Variants in METTL15 observed in about 807,000 individuals in gnomAD.
The protein encoded by METTL15 is methyltransferase 15, mitochondrial 12S rRNA N4-cytidine, also known as 12S rRNA N(4)-cytidine methyltransferase METTL15.
METTL15 carries 34 observed loss-of-function variants against 38.3 expected under a neutral mutation model. The observed-to-expected ratio is 0.89, with a 90% CI of 0.68 to 1.18. The LOEUF (loss-of-function observed/expected upper bound fraction) is 1.18, where lower values mean the gene tolerates loss of function less well. METTL15 is among the 50% of genes most tolerant of loss of function. The pLI is 0.00. For missense variants in METTL15, 438 were observed against 498.4 expected, an observed-to-expected ratio of 0.88 and a Z score of 1.15; for synonymous variants, 162 against 170.9, an observed-to-expected ratio of 0.95 and a Z score of 0.41.
downstream of METTL15, among the ~76,000 whole-genome samples, chr11:28,336,151 C>G (rs926907619): frequency 7.2e-5 from 11 of 152,054 alleles, no homozygotes; most frequent in Non-Finnish European, 1.2e-4. Flanking sequence ...GAACTTCACT[C>G]CCATGTATTA....
chr11:28,409,381 C>A (rs1268960592), intron 5 of METTL15, among the ~76,000 whole-genome samples: 74 of 81,342 alleles, frequency 9.1e-4, no homozygotes, highest in African/African-American at 1.2e-3. Flanking sequence ...GACTCCGTCT[C>A]AAAAAAAAAA....
chr11:28,475,057 G>C (rs1308703382), intron 6 of METTL15, among the ~76,000 whole-genome samples: 1 of 152,116 alleles, frequency 6.6e-6, no homozygotes, highest in Non-Finnish European at 1.5e-5. Context: ...ACTGGATCTG[G>C]ATAAGCAAGA....
chr11:28,267,182 AAG>A (rs1855458571), intron 4 of METTL15, among the ~76,000 whole-genome samples: 1 of 150,860 alleles, frequency 6.6e-6, no homozygotes, highest in African/African-American at 2.4e-5. Flanking sequence ...AAAAAAAAAA[AAG>A]AGTGAAGAAT....
At chr11:28,126,147 T>C (rs760194094) in intron 3 of METTL15, among the ~76,000 whole-genome samples, 6 of 152,118 alleles carry the variant, frequency 3.9e-5, no homozygotes, top group African/African-American at 7.2e-5. Context: ...CCCACAGATA[T>C]ACACATGGCT....
chr11:28,281,218 C>T (rs1856041640), intron 4 of METTL15, among the ~76,000 whole-genome samples: 1 of 152,106 alleles, frequency 6.6e-6, no homozygotes, highest in Non-Finnish European at 1.5e-5. Context: ...AATTTCAGTA[C>T]TTGTGTAATA....
intron 5 of METTL15, among the ~76,000 whole-genome samples, chr11:28,392,297 AG>A (rs1363424369): frequency 6.6e-6 from 1 of 152,140 alleles, no homozygotes; most frequent in Admixed American, 6.6e-5. Flanking sequence ...ATTATGAGAA[AG>A]AAAAAGCTGG....
chr11:28,291,230 A>G (rs374409526), intron 5 of METTL15, among the ~76,000 whole-genome samples: 1 of 151,956 alleles, frequency 6.6e-6, no homozygotes, highest in African/African-American at 2.4e-5. Flanking sequence ...TTGTATTAGT[A>G]GAGACGGAGT....
chr11:28,294,470 C>T (rs1197151186), intron 5 of METTL15, among the ~76,000 whole-genome samples: 2 of 152,154 alleles, frequency 1.3e-5, no homozygotes, highest in African/African-American at 4.8e-5. Flanking sequence ...TTATTCTCTG[C>T]TGATTCCAAT....
At position 28,227,838 on chromosome 11, in the gene METTL15, T is replaced by C. The variant is rs1402236604; in HGVS notation, c.407+16640T>C. 2.6e-5 allele frequency among the ~76,000 whole-genome samples: 4 copies of C among 152,086 alleles called. No homozygotes were observed. The East Asian group carries it at 7.7e-4, about 29-fold the overall frequency. On this transcript the variant is annotated intron_variant, in intron 4 of 6. Coordinates refer to ENST00000407364, the MANE Select transcript of METTL15 (RefSeq NM_001113528.2). ...TAGAAGGCTAGGAATTGCTGCTGTA[T>C]CTGAAAGCTGAGGATAGTTGGGCCT... is the stretch of plus-strand genomic sequence containing the variant.
downstream of METTL15, among the ~76,000 whole-genome samples, chr11:28,336,926 A>T (rs1849905974): frequency 6.6e-6 from 1 of 152,166 alleles, no homozygotes; most frequent in Non-Finnish European, 1.5e-5. Flanking sequence ...TTACCATAGG[A>T]GATGACAGTT....
intron 6 of METTL15, among the ~76,000 whole-genome samples, chr11:28,321,611 TAC>T (rs1394241049): frequency 1.3e-5 from 2 of 152,160 alleles, no homozygotes; most frequent in Non-Finnish European, 2.9e-5. Context: ...CAAATAAATT[TAC>T]ACATTTACTA....
chr11:28,136,458 A>G (rs953097636), intron 3 of METTL15, among the ~76,000 whole-genome samples: 4 of 152,258 alleles, frequency 2.6e-5, no homozygotes, highest in Non-Finnish European at 4.4e-5. Flanking sequence ...CTGTGAGTCC[A>G]TTAAACCTCT....
At chr11:28,361,375 C>T (rs1035231138) in intron 4 of METTL15, among the ~76,000 whole-genome samples, 70 of 152,190 alleles carry the variant, frequency 4.6e-4, no homozygotes, top group Non-Finnish European at 8.5e-4. Context: ...GATGGTATCT[C>T]ATTGTGGTTT....
intron 3 of METTL15, among the ~76,000 whole-genome samples, chr11:28,344,693 C>T (rs1185969524): frequency 6.6e-6 from 1 of 152,088 alleles, no homozygotes; most frequent in Non-Finnish European, 1.5e-5. Context: ...GGCCAGTGTC[C>T]CTGCAAAGCT....
At chr11:28,118,708 GTTA>G (rs1852079921) in intron 3 of METTL15, among the ~76,000 whole-genome samples, 1 of 152,136 alleles carries the variant, frequency 6.6e-6, no homozygotes, top group African/African-American at 2.4e-5. Flanking sequence ...TTCTTTGAGT[GTTA>G]TTATAAGGGT....
rs574913060 is a variant in METTL15, at chr11:28,120,950, G to A, written c.270+7346G>A. The stretch of plus-strand genomic sequence containing the variant: ...GGGCACATGAGCTGTCTCAACACAG[G>A]CATTCAATGTGTGACAGTCACGTCA... On this transcript the variant is annotated intron_variant, in intron 3 of 6. Coordinates refer to ENST00000407364, the MANE Select transcript of METTL15 (RefSeq NM_001113528.2). Among the ~76,000 whole-genome samples, 4 of 152,108 alleles carry A rather than the reference G, an allele frequency of 2.6e-5. No individual in the cohort carries two copies. The South Asian group carries it at 8.3e-4, about 32-fold the overall frequency.
intron 6 of METTL15, among the ~76,000 whole-genome samples, chr11:28,443,009 TTGA>T (rs1851047902): frequency 1.3e-5 from 2 of 152,222 alleles, no homozygotes; most frequent in Non-Finnish European, 2.9e-5. Context: ...AGTGTAAAGT[TTGA>T]TAAGTTTCTA....
intron 4 of METTL15, among the ~76,000 whole-genome samples, chr11:28,265,072 T>C (rs1475649552): frequency 3.3e-5 from 5 of 152,160 alleles, no homozygotes; most frequent in Admixed American, 6.5e-5. Flanking sequence ...AATCAGAGGC[T>C]TTGTGAAATG....
intron 4 of METTL15, among the ~76,000 whole-genome samples, chr11:28,245,150 A>G (rs1854458967): frequency 6.6e-6 from 1 of 152,204 alleles, no homozygotes; most frequent in African/African-American, 2.4e-5. Context: ...AAAATTACAG[A>G]CAATGGAGCT....
Sources: allele counts gnomAD v4.1 joint callset (sites outside exome capture counted in the v4.1 genomes callset), GRCh38; gene constraint gnomAD v4.1.1; transcripts MANE v1.5; gene names NCBI Gene and HGNC (gene_info 2026-07-23, HGNC 2026-07-21).